Variants in PARD3B observed in about 807,000 individuals in gnomAD.
PARD3B encodes the protein par-3 family cell polarity regulator beta, also known as partitioning defective 3 homolog B.
Under a neutral mutation model 130.2 loss-of-function variants are expected in PARD3B, and 103 were observed. The ratio of observed to expected loss-of-function variants is 0.79; its 90% CI spans 0.67 to 0.93. The LOEUF is 0.93. Among genes scored for constraint, PARD3B ranks in the 40% least tolerant of loss-of-function variants. The pLI is 0.00. For synonymous variants in PARD3B, 583 were observed against 553.2 expected, an observed-to-expected ratio of 1.05 and a Z score of -0.76; for missense variants, 1,609 against 1,499.2, an observed-to-expected ratio of 1.07 and a Z score of -1.21.
chr2:204,803,163 A>AAAAT (rs1553528190), intron 2 of PARD3B, among the ~76,000 whole-genome samples: 4 of 90,758 alleles, frequency 4.4e-5, no homozygotes, highest in East Asian at 3.1e-4. Context: ...AAAAAAAAAA[A>AAAAT]ATATATATAT....
At chr2:204,979,797 T>C (rs2125204702) in intron 3 of PARD3B, among the ~76,000 whole-genome samples, 1 of 152,236 alleles carries the variant, frequency 6.6e-6, no homozygotes, top group South Asian at 2.1e-4. Context: ...TAGAAAAAAA[T>C]TTAATATCCC....
In PARD3B at chr2:204,927,148, A is replaced by T. The variant is rs900777016; in HGVS notation, c.223-38004A>T. 1.4e-4 allele frequency among the ~76,000 whole-genome samples: 21 copies of T among 152,178 alleles called. 3 individuals carry two copies. Among genetic ancestry groups the T allele is most frequent in the Admixed American group, 1.0e-3 (16 of 15,260 alleles). On this transcript the variant is annotated intron_variant, in intron 2 of 22. Coordinates refer to ENST00000406610, the MANE Select transcript of PARD3B (RefSeq NM_001302769.2). ...ATACATTTTTGGTGATACTAAAAAA[A>T]TACTGAAGATGTAATAGGACTAATG...
intron 2 of PARD3B, among the ~76,000 whole-genome samples, chr2:204,730,320 T>G (rs539609286): frequency 6.6e-6 from 1 of 152,224 alleles, no homozygotes; most frequent in South Asian, 2.1e-4. Context: ...CTGCCCATCT[T>G]GGCCTCCCAA....
chr2:204,681,995 AT>A (rs1329036878), intron 1 of PARD3B, among the ~76,000 whole-genome samples: 1 of 152,092 alleles, frequency 6.6e-6, no homozygotes, highest in Non-Finnish European at 1.5e-5. Context: ...TCCCCACTTA[AT>A]TCTCATTTGT....
intron 2 of PARD3B, among the ~76,000 whole-genome samples, chr2:204,724,754 C>T (rs1330310160): frequency 1.4e-5 from 2 of 141,896 alleles, no homozygotes; most frequent in South Asian, 2.2e-4. Context: ...AGTTCATGAT[C>T]GTATTATAGA....
intron 1 of PARD3B, among the ~76,000 whole-genome samples, chr2:204,548,292 CA>C (rs2030159182): frequency 6.6e-6 from 1 of 152,080 alleles, no homozygotes; most frequent in Non-Finnish European, 1.5e-5. Flanking sequence ...TTCTGTAAAT[CA>C]GTGAATTTCT....
intron 3 of PARD3B, among the ~76,000 whole-genome samples, chr2:205,012,069 G>A (rs1695758599): frequency 6.6e-6 from 1 of 152,056 alleles, no homozygotes; most frequent in Admixed American, 6.6e-5. Context: ...GCTTTCCTGG[G>A]TCCCTGCAAC....
At chr2:204,828,961 C>T (rs1312823534) in intron 2 of PARD3B, among the ~76,000 whole-genome samples, 1 of 152,160 alleles carries the variant, frequency 6.6e-6, no homozygotes, top group African/African-American at 2.4e-5. Context: ...TGCATTCCAG[C>T]CTTCTGCATG....
intron 18 of PARD3B, among the ~76,000 whole-genome samples, chr2:205,327,833 C>A (rs1344922893): frequency 6.6e-6 from 1 of 152,166 alleles, no homozygotes; most frequent in Non-Finnish European, 1.5e-5. Context: ...TTTCTTATTA[C>A]TATCAAGCAA....
intron 1 of PARD3B, among the ~76,000 whole-genome samples, chr2:204,596,622 A>G (rs1415752926): frequency 6.6e-6 from 1 of 152,160 alleles, no homozygotes; most frequent in African/African-American, 2.4e-5. Context: ...AACACTCCCA[A>G]TAATCTTTCA....
At chr2:204,691,638 A>C (rs1467856085) in intron 2 of PARD3B, among the ~76,000 whole-genome samples, 1 of 152,124 alleles carries the variant, frequency 6.6e-6, no homozygotes, top group East Asian at 1.9e-4. Flanking sequence ...TAAAATTTTA[A>C]GTATAGTATA....
chr2:204,927,620 CAT>C (rs1282292103), intron 2 of PARD3B, among the ~76,000 whole-genome samples: 2 of 151,950 alleles, frequency 1.3e-5, no homozygotes, highest in South Asian at 4.2e-4. Flanking sequence ...ACGTTAAACT[CAT>C]GTAGTAATGG....
chr2:204,941,387 A>G (rs1173951790), intron 2 of PARD3B, among the ~76,000 whole-genome samples: 1 of 152,198 alleles, frequency 6.6e-6, no homozygotes, highest in African/African-American at 2.4e-5. Context: ...AAGAAAAAGG[A>G]AAGTTCTAAC....
chr2:205,125,231 A>C lies in PARD3B; in HGVS notation c.1306-378A>C, dbSNP rs1161770557. ...ATTCTATTGCTAGGTTCGTATTTGCAGAGAAATTTGCCTTGTGATCATGGT... is the reference window on the plus strand; with the variant it reads ...ATTCTATTGCTAGGTTCGTATTTGCCGAGAAATTTGCCTTGTGATCATGGT... On this transcript the variant is annotated intron_variant, in intron 9 of 22. Coordinates refer to ENST00000406610, the MANE Select transcript of PARD3B (RefSeq NM_001302769.2). The surrounding 1 kb of genome is among the most constrained non-coding windows in gnomAD (Gnocchi z 4.0). Among the ~76,000 whole-genome samples the C allele has an allele frequency of 1.3e-5, 2 of 152,222 alleles. No homozygotes were observed. Among genetic ancestry groups the C allele is most frequent in the Non-Finnish European group, 2.9e-5 (2 of 68,036 alleles).
chr2:204,889,366 T>C (rs17638380), intron 2 of PARD3B, among the ~76,000 whole-genome samples: 3,069 of 152,320 alleles, frequency 0.02, 64 homozygotes, highest in East Asian at 0.11. Flanking sequence ...GTCTCTCTAC[T>C]ATATATAAAA....
chr2:205,612,011 G>A (rs1455562975), intron 22 of PARD3B, among the ~76,000 whole-genome samples: 1 of 152,116 alleles, frequency 6.6e-6, no homozygotes, highest in Non-Finnish European at 1.5e-5. Flanking sequence ...GAATGGATTG[G>A]TTTTGGGCTT....
chr2:205,015,938 C>A lies in PARD3B; in HGVS notation c.395-31643C>A, dbSNP rs1696113600. On this transcript the variant is annotated intron_variant, in intron 3 of 22. Coordinates refer to ENST00000406610, the MANE Select transcript of PARD3B (RefSeq NM_001302769.2). The surrounding 1 kb of genome is among the most constrained non-coding windows in gnomAD (Gnocchi z 4.5). The stretch of plus-strand genomic sequence containing the variant: ...GCCTACCTAGACCGTTTCTGCACTC[C>A]ACCTGAGGCCACCACTCCCAACAGT... Among the ~76,000 whole-genome samples the A allele has an allele frequency of 6.6e-6, 1 of 152,146 alleles. No individual in the cohort carries two copies. Among genetic ancestry groups the A allele is most frequent in the South Asian group, 2.1e-4 (1 of 4,828 alleles).
chr2:204,959,882 G>A (rs529146667), intron 2 of PARD3B, among the ~76,000 whole-genome samples: 7 of 152,222 alleles, frequency 4.6e-5, no homozygotes, highest in Admixed American at 6.5e-5. Flanking sequence ...CACATACCAC[G>A]TTAATGTATT....
intron 19 of PARD3B, among the ~76,000 whole-genome samples, chr2:205,406,749 C>CA (rs1285347364): frequency 1.8e-4 from 27 of 147,276 alleles, no homozygotes; most frequent in African/African-American, 6.6e-4. Flanking sequence ...CGGCTCACTG[C>CA]AACCTCCACC....
Sources: allele counts gnomAD v4.1 joint callset (sites outside exome capture counted in the v4.1 genomes callset), GRCh38; gene constraint gnomAD v4.1.1; non-coding constraint Gnocchi (gnomAD v3.1); transcripts MANE v1.5; gene names NCBI Gene and HGNC (gene_info 2026-07-23, HGNC 2026-07-21).